The following GNB1L variants were observed in gnomAD, a reference collection of about 807,000 sequenced individuals.
GNB1L encodes guanine nucleotide-binding protein subunit beta-like protein 1.
A neutral mutation model predicts 29.1 loss-of-function variants in GNB1L; 20 were observed. That is an observed-to-expected ratio of 0.69 (90% CI 0.48 to 1.00). The LOEUF (loss-of-function observed/expected upper bound fraction) is 1.00, where lower values mean the gene tolerates loss of function less well. Among genes scored for constraint, GNB1L ranks in the 50% least tolerant of loss-of-function variants. GNB1L has a pLI of 0.00. For missense variants in GNB1L, 421 were observed against 464.9 expected (o/e 0.91, Z 0.87); for synonymous variants, 193 against 206.5 (o/e 0.93, Z 0.56).
intron 2 of GNB1L, among the ~76,000 whole-genome samples, chr22:19,833,261 T>C (rs886204369): frequency 1.1e-4 from 17 of 152,216 alleles, no homozygotes; most frequent in Non-Finnish European, 2.5e-4. Context: ...TTATGCTGCA[T>C]GAGGCAAAAA....
At chr22:19,798,047 G>C (rs1252386133) in intron 7 of GNB1L, among the ~76,000 whole-genome samples, 1 of 152,174 alleles carries the variant, frequency 6.6e-6, no homozygotes, top group African/African-American at 2.4e-5. Context: ...AGCCCAGGCT[G>C]GCCTCAGTGT....
intron 2 of GNB1L, among the ~76,000 whole-genome samples, chr22:19,852,933 G>A (rs1305362920): frequency 6.6e-6 from 1 of 152,144 alleles, no homozygotes; most frequent in African/African-American, 2.4e-5. Flanking sequence ...TATACAGCAC[G>A]CGATTATAAA....
chr22:19,850,784 C>A (rs1366764379), intron 2 of GNB1L: 11 of 1,274,164 alleles, frequency 8.6e-6, no homozygotes, highest in Admixed American at 3.7e-5. Context: ...CCAGTTCAGT[C>A]CCAGCCAGTG....
intron 6 of GNB1L, among the ~76,000 whole-genome samples, chr22:19,805,279 C>T (rs555772049): frequency 2.6e-5 from 4 of 152,332 alleles, no homozygotes; most frequent in Admixed American, 2.0e-4. Flanking sequence ...TAAGGGGCGC[C>T]CACTTTCTGG....
At chr22:19,810,813 C>A (rs1937491332) in intron 5 of GNB1L, among the ~76,000 whole-genome samples, 1 of 152,326 alleles carries the variant, frequency 6.6e-6, no homozygotes, top group East Asian at 1.9e-4. Context: ...ACTGTTTTCC[C>A]AGGATGTGAG....
At chr22:19,812,212 G>C in intron 5 of GNB1L, 73 bp downstream of exon 5, 1 of 1,478,170 alleles carries the variant, frequency 6.8e-7, no homozygotes, top group East Asian at 2.3e-5. Flanking sequence ...AGGCGCAGGC[G>C]CCTCCTAATC....
chr22:19,852,547 G>C, intron 2 of GNB1L: 1 of 419,766 alleles, frequency 2.4e-6, no homozygotes, highest in Non-Finnish European at 4.3e-6. Flanking sequence ...CACTGGACTG[G>C]TGGGAAGAGG....
At chr22:19,811,872 C>T (rs1228928751) in intron 5 of GNB1L, among the ~76,000 whole-genome samples, 3 of 152,122 alleles carry the variant, frequency 2.0e-5, no homozygotes, top group Non-Finnish European at 4.4e-5. Context: ...TCTCCCACCG[C>T]CTCCTGCCAG....
At chr22:19,789,780 G>C (rs1186597615) in intron 7 of GNB1L, among the ~76,000 whole-genome samples, 2 of 150,928 alleles carry the variant, frequency 1.3e-5, no homozygotes, top group African/African-American at 4.9e-5. Context: ...AGGCTGCAGT[G>C]AGCTGAGATC....
At chr22:19,848,308 C>G in intron 2 of GNB1L, 1 of 985,448 alleles carries the variant, frequency 1.0e-6, no homozygotes, top group Non-Finnish European at 1.2e-6. Context: ...GTCCAGCAAA[C>G]CCTGCCAGGC....
chr22:19,827,817 T>A (rs1164032353), intron 2 of GNB1L, among the ~76,000 whole-genome samples: 1 of 152,152 alleles, frequency 6.6e-6, no homozygotes, highest in East Asian at 1.9e-4. Flanking sequence ...GCAACCCTAC[T>A]CTTAGATAAA....
chr22:19,852,232 G>A, intron 2 of GNB1L: 4 of 1,611,498 alleles, frequency 2.5e-6, no homozygotes, highest in Non-Finnish European at 3.4e-6. Context: ...GAATGCGAGG[G>A]CCCTGCTGAC....
chr22:19,808,243 CAT>C (rs1220615068), intron 5 of GNB1L, among the ~76,000 whole-genome samples: 2 of 152,206 alleles, frequency 1.3e-5, no homozygotes, highest in African/African-American at 2.4e-5. Context: ...GCATGGGTAA[CAT>C]GTACACACCT....
chr22:19,814,009 C>T (rs1056950603), intron 4 of GNB1L, among the ~76,000 whole-genome samples: 2 of 151,970 alleles, frequency 1.3e-5, no homozygotes, highest in Middle Eastern at 3.2e-3. Context: ...AAAAAAGGAT[C>T]GGGGATGTCA....
chr22:19,853,433 C>G (rs895202882), intron 2 of GNB1L, among the ~76,000 whole-genome samples: 4 of 152,144 alleles, frequency 2.6e-5, no homozygotes, highest in Non-Finnish European at 5.9e-5. Context: ...ACTCTGCAGC[C>G]TAACTCTATC....
intron 2 of GNB1L, chr22:19,849,452 T>C (rs1938044298): frequency 5.9e-6 from 2 of 340,864 alleles, no homozygotes; most frequent in East Asian, 3.4e-4. Flanking sequence ...CACCACACCC[T>C]CTGCCTCCTG....
intron 2 of GNB1L, among the ~76,000 whole-genome samples, chr22:19,843,993 TCA>T (rs2145898958): frequency 6.6e-6 from 1 of 152,178 alleles, no homozygotes; most frequent in African/African-American, 2.4e-5. Context: ...GGCACTGACC[TCA>T]CCTCACCTGG....
At chr22:19,836,002 A>G (rs533313157) in intron 2 of GNB1L, among the ~76,000 whole-genome samples, 20 of 152,344 alleles carry the variant, frequency 1.3e-4, no homozygotes, top group African/African-American at 4.3e-4. Context: ...CCTTAAGATA[A>G]CAGAAAAAGA....
rs746453433 is a variant in GNB1L, at chr22:19,820,670, G to A, written c.182C>T (p.Thr61Ile). ...IWSLQTRRAV[T>I]TLDGHGGQCV... Reference sequence around the variant, plus strand: ...CTGGCCGCCGTGGCCATCCAGGGTGGTAACCGCTCTCCGCGTCTGCAGGCT... The same window carrying A: ...CTGGCCGCCGTGGCCATCCAGGGTGATAACCGCTCTCCGCGTCTGCAGGCT... Residue 61 changes from threonine to isoleucine, a missense_variant, in exon 4 of 8, where the codon ACC becomes ATC. Physicochemically the swap from Thr to Ile is moderately conservative, Grantham distance 89. Transcript: ENST00000329517. 1.2e-6 allele frequency: 2 copies of A among 1,613,550 alleles called. No homozygotes were observed. The highest frequency in any genetic ancestry group is 4.5e-5 in the East Asian group (2 of 44,862).
Sources: gnomAD v4.1 joint callset for allele counts (sites outside exome capture counted in the v4.1 genomes callset) on GRCh38, gnomAD v4.1.1 for gene constraint, MANE v1.5 for transcripts, NCBI Gene and HGNC (gene_info 2026-07-23, HGNC 2026-07-21) for gene names.